PALM2AKAP2: variants seen among roughly 807,000 people sequenced by gnomAD.
The protein encoded by PALM2AKAP2 is PALM2-AKAP2 fusion protein.
Under a neutral mutation model 71.5 loss-of-function variants are expected in PALM2AKAP2, and 37 were observed. That is an observed-to-expected ratio of 0.52 (90% CI 0.40 to 0.68). PALM2AKAP2 has a LOEUF of 0.68. Among genes scored for constraint, PALM2AKAP2 ranks in the 30% least tolerant of loss-of-function variants. PALM2AKAP2 has a pLI of 0.00. For synonymous variants in PALM2AKAP2, 468 were observed against 478.8 expected (o/e 0.98, Z 0.29); for missense variants, 1,224 against 1,191.8 (o/e 1.03, Z -0.40).
intron 2 of PALM2AKAP2, among the ~76,000 whole-genome samples, chr9:110,141,946 T>C (rs1364977425): frequency 1.3e-5 from 2 of 152,182 alleles, no homozygotes; most frequent in African/African-American, 4.8e-5. Context: ...CTATTTGTTT[T>C]TGCTTTTAGT....
chr9:109,885,976 A>G (rs1829955277), intron 3 of PALM2AKAP2, among the ~76,000 whole-genome samples: 1 of 152,374 alleles, frequency 6.6e-6, no homozygotes, highest in East Asian at 1.9e-4. Context: ...CGGCTGCCAC[A>G]GTGGAGAAAT....
intron 1 of PALM2AKAP2, among the ~76,000 whole-genome samples, chr9:110,084,568 G>A (rs1229543990): frequency 1.3e-5 from 2 of 152,008 alleles, no homozygotes; most frequent in African/African-American, 4.8e-5. Flanking sequence ...AATATAGAAT[G>A]GTGTAGTATT....
At chr9:110,109,819 T>TA (rs937580427) in intron 1 of PALM2AKAP2, among the ~76,000 whole-genome samples, 4 of 151,030 alleles carry the variant, frequency 2.6e-5, no homozygotes, top group South Asian at 2.1e-4. Flanking sequence ...GAGTTTCTTT[T>TA]AAAAAAAAAG....
At chr9:110,138,499 C>T in exon 2 of PALM2AKAP2, 2 of 1,612,790 alleles carry the variant, frequency 1.2e-6, no homozygotes, top group Non-Finnish European at 1.7e-6. Flanking sequence ...CAAAGAATGC[C>T]CCATCACTGC....
At chr9:109,642,831 C>T (rs892133609) in intron 1 of PALM2AKAP2, among the ~76,000 whole-genome samples, 5 of 148,238 alleles carry the variant, frequency 3.4e-5, no homozygotes, top group South Asian at 2.2e-4. Flanking sequence ...AGGTGTGAGC[C>T]ACCATGCCCA....
chr9:109,721,786 A>G (rs1315554180), intron 1 of PALM2AKAP2, among the ~76,000 whole-genome samples: 1 of 152,198 alleles, frequency 6.6e-6, no homozygotes, highest in Non-Finnish European at 1.5e-5. Context: ...TTGGGTGAAA[A>G]TATGCTCCAT....
At chr9:109,967,003 C>T (rs1470295727) in intron 6 of PALM2AKAP2, among the ~76,000 whole-genome samples, 5 of 152,192 alleles carry the variant, frequency 3.3e-5, no homozygotes, top group South Asian at 2.1e-4. Context: ...GAAGCTAAAA[C>T]GAAAATGATT....
chr9:109,789,934 AC>A (rs1827066437), intron 1 of PALM2AKAP2, among the ~76,000 whole-genome samples: 1 of 152,092 alleles, frequency 6.6e-6, no homozygotes, highest in South Asian at 2.1e-4. Context: ...CAGAGACAAG[AC>A]TACACCCTAT....
chr9:109,676,277 C>G (rs1273825651), intron 1 of PALM2AKAP2, among the ~76,000 whole-genome samples: 1 of 152,064 alleles, frequency 6.6e-6, no homozygotes, highest in African/African-American at 2.4e-5. Context: ...TTGTATTATA[C>G]TAGAAGAAAA....
At chr9:109,676,194 C>T (rs1015223108) in intron 1 of PALM2AKAP2, among the ~76,000 whole-genome samples, 2 of 152,182 alleles carry the variant, frequency 1.3e-5, no homozygotes, top group Non-Finnish European at 2.9e-5. Flanking sequence ...TCACGCTCTG[C>T]TCCTTCATCT....
chr9:109,685,401 G>T (rs1010220085), intron 1 of PALM2AKAP2, among the ~76,000 whole-genome samples: 2 of 152,022 alleles, frequency 1.3e-5, no homozygotes, highest in Non-Finnish European at 2.9e-5. Flanking sequence ...TTCAGTTCCA[G>T]ACCACCACGA....
intron 1 of PALM2AKAP2, among the ~76,000 whole-genome samples, chr9:110,098,022 G>A (rs1260983629): frequency 6.9e-6 from 1 of 144,068 alleles, no homozygotes. Flanking sequence ...CCAGTCAGGC[G>A]TGGCGGCGCG....
chr9:109,725,267 T>G (rs1587883669), intron 1 of PALM2AKAP2, among the ~76,000 whole-genome samples: 3 of 152,304 alleles, frequency 2.0e-5, no homozygotes, highest in Admixed American at 2.0e-4. Context: ...ATTTCAAATG[T>G]TGATATTTTG....
At chr9:109,714,067 T>C (rs1369690059) in intron 1 of PALM2AKAP2, among the ~76,000 whole-genome samples, 1 of 152,234 alleles carries the variant, frequency 6.6e-6, no homozygotes, top group Non-Finnish European at 1.5e-5. Flanking sequence ...AAAAATTAAT[T>C]AGCTAGACAA....
At chr9:110,048,603 G>C (rs1361813135), upstream of PALM2AKAP2, 18 of 1,294,290 alleles carry the variant, frequency 1.4e-5, no homozygotes, top group Non-Finnish European at 1.8e-5. Context: ...TGGGCTACTG[G>C]AGGGGAAGCG....
At chr9:109,764,895 C>T (rs1022535733) in intron 1 of PALM2AKAP2, among the ~76,000 whole-genome samples, 2 of 151,690 alleles carry the variant, frequency 1.3e-5, no homozygotes, top group African/African-American at 4.9e-5. Flanking sequence ...AAGCTAGGAC[C>T]ATCTGTGATG....
At chr9:109,820,788 T>G (rs1170234160) in intron 1 of PALM2AKAP2, among the ~76,000 whole-genome samples, 1 of 152,042 alleles carries the variant, frequency 6.6e-6, no homozygotes, top group Non-Finnish European at 1.5e-5. Flanking sequence ...GGCACTGGAG[T>G]GGATATGACC....
chr9:109,944,521 G>T (rs565222715), intron 6 of PALM2AKAP2: 2 of 151,880 alleles, frequency 1.3e-5, no homozygotes, highest in African/African-American at 4.8e-5. Context: ...ATGAGAAAGA[G>T]AATGTTTTAG....
chr9:110,147,429 A>G (rs1222999819), intron 2 of PALM2AKAP2, among the ~76,000 whole-genome samples: 1 of 152,184 alleles, frequency 6.6e-6, no homozygotes, highest in Non-Finnish European at 1.5e-5. Context: ...TACCAACCTC[A>G]TAAAAATGTT....
Sources: gnomAD v4.1 joint callset for allele counts (sites outside exome capture counted in the v4.1 genomes callset) on GRCh38, gnomAD v4.1.1 for gene constraint, MANE v1.5 for transcripts, NCBI Gene and HGNC (gene_info 2026-07-23, HGNC 2026-07-21) for gene names.